TTYH3: variants seen among roughly 807,000 people sequenced by gnomAD.
The protein encoded by TTYH3 is protein tweety homolog 3.
A neutral mutation model predicts 68.2 loss-of-function variants in TTYH3; 23 were observed. That is an observed-to-expected ratio of 0.34 (90% CI 0.24 to 0.48). The LOEUF is 0.48. TTYH3 is among the 20% of genes least tolerant of loss of function. The pLI, the probability that TTYH3 is intolerant of heterozygous loss-of-function variation, is 0.99. For missense variants in TTYH3, 768 were observed against 727.7 expected (o/e 1.06, Z -0.64); for synonymous variants, 360 against 332.8 (o/e 1.08, Z -0.89).
chr7:2,658,190 A>C, intron 11 of TTYH3, 96 bp from the exon 12 acceptor site: 1 of 1,280,972 alleles, frequency 7.8e-7, no homozygotes, highest in Non-Finnish European at 1.1e-6. Flanking sequence ...AACTGGAACC[A>C]GGAGTGTCTG....
At chr7:2,651,998 G>C (rs2114991370) in intron 7 of TTYH3, among the ~76,000 whole-genome samples, 189 bp from the exon 8 acceptor site, 1 of 152,296 alleles carries the variant, frequency 6.6e-6, no homozygotes, top group Middle Eastern at 3.4e-3. Context: ...CGTGCACAGA[G>C]ACACATGCAC....
chr7:2,647,355 G>A, intron 3 of TTYH3, 63 bp from the exon 4 acceptor site: 1 of 1,487,462 alleles, frequency 6.7e-7, no homozygotes, highest in Non-Finnish European at 8.9e-7. Flanking sequence ...CTGTGCAGGA[G>A]GGGCCCAGAC....
At chr7:2,643,082 A>G (rs1785892960) in intron 1 of TTYH3, among the ~76,000 whole-genome samples, 1 of 144,146 alleles carries the variant, frequency 6.9e-6, no homozygotes, top group Non-Finnish European at 1.5e-5. Flanking sequence ...AAGGCTGGGC[A>G]CGGTGGTTCA....
intron 9 of TTYH3, 130 bp downstream of exon 9, chr7:2,653,140 G>C (rs1786237779): frequency 4.1e-6 from 3 of 736,488 alleles, no homozygotes; most frequent in Non-Finnish European, 4.5e-6. Context: ...TGGGGACCTG[G>C]TGTTGGAGGT....
chr7:2,637,626 A>G (rs1309287382), intron 1 of TTYH3, among the ~76,000 whole-genome samples: 1 of 152,170 alleles, frequency 6.6e-6, no homozygotes, highest in Admixed American at 6.5e-5. Flanking sequence ...GCTAGAGAAG[A>G]GGAACCGAAT....
At chr7:2,647,282 G>T in intron 3 of TTYH3, 29 bp downstream of exon 3, 1 of 1,552,356 alleles carries the variant, frequency 6.4e-7, no homozygotes. Context: ...GGGGCCAGGA[G>T]CACTCTTGCT....
chr7:2,652,409 G>T (rs1666687747), intron 8 of TTYH3, among the ~76,000 whole-genome samples, 167 bp downstream of exon 8: 1 of 152,208 alleles, frequency 6.6e-6, no homozygotes, highest in African/African-American at 2.4e-5. Flanking sequence ...AGCCCCTGGG[G>T]TTACCATGCC....
rs1307613621 is a variant in TTYH3, at chr7:2,632,031, G to T, written c.-125G>T. 3.5e-6 allele frequency: 3 copies of T among 868,336 alleles called. No homozygotes were observed. The highest frequency in any genetic ancestry group is 5.2e-5 in the East Asian group (1 of 19,278). 53.8% of individuals were successfully genotyped at this position (868,336 alleles called of 1,614,324 possible). ...GCCGGGCCGAGCCGGGCCGGGCCGGGCCCAGGAGCGCGCGGATGATGCGGG... is the reference window on the plus strand; with the variant it reads ...GCCGGGCCGAGCCGGGCCGGGCCGGTCCCAGGAGCGCGCGGATGATGCGGG... On this transcript the variant is annotated 5_prime_UTR_variant, in exon 1 of 14. Transcript: ENST00000258796.
At chr7:2,640,830 C>T (rs1785821551) in intron 1 of TTYH3, among the ~76,000 whole-genome samples, 1 of 152,206 alleles carries the variant, frequency 6.6e-6, no homozygotes, top group African/African-American at 2.4e-5. Context: ...ACTGGGCCCT[C>T]CCTTCTCCAA....
intron 1 of TTYH3, among the ~76,000 whole-genome samples, chr7:2,637,516 G>C (rs188342621): frequency 2.0e-5 from 3 of 152,310 alleles, no homozygotes; most frequent in East Asian, 3.9e-4. Flanking sequence ...AGTGGATACA[G>C]CGTCAGCACA....
chr7:2,660,100 C>A, intron 13 of TTYH3: 1 of 1,261,772 alleles, frequency 7.9e-7, no homozygotes, highest in Non-Finnish European at 1.0e-6. Context: ...CCGCCTCCAC[C>A]CTGCACTCAC....
At chr7:2,636,161 A>C (rs1297131480) in intron 1 of TTYH3, among the ~76,000 whole-genome samples, 2 of 152,216 alleles carry the variant, frequency 1.3e-5, no homozygotes, top group African/African-American at 4.8e-5. Context: ...GTGCCGCCAC[A>C]AGGTGAGGTC....
intron 13 of TTYH3, 77 bp from the exon 14 acceptor site, chr7:2,661,591 G>A: frequency 7.0e-7 from 1 of 1,428,826 alleles, no homozygotes; most frequent in African/African-American, 1.4e-5. Context: ...AGCCAAGTGA[G>A]GACCACGCGG....
chr7:2,658,149 C>T (rs1786387435), intron 11 of TTYH3, 137 bp from the exon 12 acceptor site: 2 of 874,012 alleles, frequency 2.3e-6, no homozygotes, highest in Non-Finnish European at 3.3e-6. Context: ...TGCCCACAGT[C>T]CCACATGGAG....
chr7:2,648,211 C>T lies in TTYH3; in HGVS notation c.722+157C>T, dbSNP rs1022546095. On this transcript the variant is annotated intron_variant, in intron 5 of 13. Coordinates refer to ENST00000258796, the MANE Select transcript of TTYH3 (RefSeq NM_025250.3). The stretch of plus-strand genomic sequence containing the variant: ...CCTGCACTGGGCCTGCTCTGAGATG[C>T]CCCTTCTGTGCCTGTGGCCTGTGCC... 3 of 662,626 alleles carry T rather than the reference C, an allele frequency of 4.5e-6. No individual in the cohort carries two copies. The Admixed American group carries it at 8.8e-5, about 19-fold the overall frequency. 41.0% of individuals were successfully genotyped at this position (662,626 alleles called of 1,614,324 possible).
chr7:2,633,474 TGAG>T (rs1785579431), intron 1 of TTYH3, among the ~76,000 whole-genome samples: 1 of 151,492 alleles, frequency 6.6e-6, no homozygotes, highest in African/African-American at 2.4e-5. Flanking sequence ...TCCTAACAGA[TGAG>T]GAAGGGGGCG....
intron 1 of TTYH3, among the ~76,000 whole-genome samples, chr7:2,636,000 C>T (rs1157173320): frequency 6.6e-6 from 1 of 152,238 alleles, no homozygotes; most frequent in Non-Finnish European, 1.5e-5. Flanking sequence ...GGGGAATGTG[C>T]TGCCTCAGGA....
At chr7:2,647,712 A>C in intron 4 of TTYH3, 74 bp downstream of exon 4, 3 of 1,458,036 alleles carry the variant, frequency 2.1e-6, no homozygotes, top group African/African-American at 1.4e-5. Flanking sequence ...TTTTGCTCTC[A>C]GCACCTAGTA....
intron 1 of TTYH3, among the ~76,000 whole-genome samples, chr7:2,633,158 T>A (rs1785565859): frequency 6.6e-6 from 1 of 152,146 alleles, no homozygotes; most frequent in East Asian, 1.9e-4. Context: ...GGGCATTTCC[T>A]TCCTGCCTAG....
Sources: gnomAD v4.1 joint callset for allele counts (sites outside exome capture counted in the v4.1 genomes callset) on GRCh38, gnomAD v4.1.1 for gene constraint, MANE v1.5 for transcripts, NCBI Gene and HGNC (gene_info 2026-07-23, HGNC 2026-07-21) for gene names.